RELCH: variants seen among roughly 807,000 people sequenced by gnomAD.
The protein encoded by RELCH is RAB11 binding and LisH domain, coiled-coil and HEAT repeat containing.
In RELCH, 41 loss-of-function variants were observed where a neutral mutation model predicts 150.3. That is an observed-to-expected ratio of 0.27 (90% CI 0.21 to 0.35). The LOEUF is 0.35. Among genes scored for constraint, RELCH ranks in the 10% least tolerant of loss-of-function variants. RELCH has a pLI of 1.00. For synonymous variants in RELCH, 478 were observed against 531.8 expected, an observed-to-expected ratio of 0.90 and a Z score of 1.39; for missense variants, 1,092 against 1,467.8, an observed-to-expected ratio of 0.74 and a Z score of 4.18.
At chr18:62,227,140 C>A (rs1408043088) in intron 5 of RELCH, 149 bp from the exon 6 acceptor site, 14 of 580,494 alleles carry the variant, frequency 2.4e-5, no homozygotes, top group Non-Finnish European at 3.9e-5. Flanking sequence ...CTACAGTGAG[C>A]CATCTATGAT....
chr18:62,192,682 G>A (rs2038734860), intron 1 of RELCH, among the ~76,000 whole-genome samples: 1 of 152,112 alleles, frequency 6.6e-6, no homozygotes, highest in Non-Finnish European at 1.5e-5. Flanking sequence ...GTATGTCAAA[G>A]ATCAGATGGT....
At chr18:62,289,491 C>T (rs72949271) in intron 26 of RELCH, among the ~76,000 whole-genome samples, 23 of 152,208 alleles carry the variant, frequency 1.5e-4, no homozygotes, top group Non-Finnish European at 2.8e-4. Context: ...AATGTTTAAC[C>T]TGGAGAAGAG....
chr18:62,219,325 C>CTTT (rs202196452), intron 2 of RELCH, among the ~76,000 whole-genome samples: 2 of 112,878 alleles, frequency 1.8e-5, no homozygotes, highest in Non-Finnish European at 3.6e-5. Flanking sequence ...TTCTTTTTTT[C>CTTT]TTTTTTTTTT....
In RELCH at chr18:62,201,821, A is replaced by G. The variant is rs371233860; in HGVS notation, c.527-9332A>G. ...GTTCAATAAATATTTAAATTACCCAATACTCTTTTATTAGTCGACAGCTGG... is the reference window on the plus strand; with the variant it reads ...GTTCAATAAATATTTAAATTACCCAGTACTCTTTTATTAGTCGACAGCTGG... On this transcript the variant is annotated intron_variant, in intron 1 of 28. Coordinates refer to ENST00000644646, the MANE Select transcript of RELCH (RefSeq NM_001346231.2). Among the ~76,000 whole-genome samples, 103 of 152,278 alleles carry G rather than the reference A, an allele frequency of 6.8e-4. 2 individuals are homozygous for G. Among genetic ancestry groups the G allele is most frequent in the Admixed American group, 3.6e-3 (55 of 15,300 alleles).
At chr18:62,231,365 CTG>C in intron 9 of RELCH, 96 bp downstream of exon 9, 1 of 716,674 alleles carries the variant, frequency 1.4e-6, no homozygotes, top group Non-Finnish European at 2.3e-6. Flanking sequence ...TGTGATAAGA[CTG>C]TATTTCAAAT....
intron 11 of RELCH, chr18:62,247,426 A>G (rs1311825357): frequency 6.6e-6 from 1 of 152,224 alleles, no homozygotes; most frequent in Non-Finnish European, 1.5e-5. Context: ...TGTCTGGAAT[A>G]AGGAGAGCTA....
At chr18:62,236,403 C>T (rs1814238196) in intron 10 of RELCH, among the ~76,000 whole-genome samples, 1 of 151,712 alleles carries the variant, frequency 6.6e-6, no homozygotes, top group Non-Finnish European at 1.5e-5. Context: ...ATAAGGGATA[C>T]TGTTCTGTGG....
chr18:62,234,548 A>C (rs1324633658), intron 10 of RELCH, among the ~76,000 whole-genome samples: 1 of 152,012 alleles, frequency 6.6e-6, no homozygotes. Flanking sequence ...TAAAATTTAA[A>C]TGTTCTTTAG....
chr18:62,201,882 A>G (rs950724467), intron 1 of RELCH, among the ~76,000 whole-genome samples: 6 of 152,204 alleles, frequency 3.9e-5, no homozygotes, highest in Non-Finnish European at 8.8e-5. Context: ...TTAAAGTGCC[A>G]TGTAGTTTTC....
At chr18:62,219,129 G>C (rs1328788504) in intron 2 of RELCH, among the ~76,000 whole-genome samples, 1 of 151,416 alleles carries the variant, frequency 6.6e-6, no homozygotes, top group African/African-American at 2.4e-5. Flanking sequence ...TCAAAGTATT[G>C]GTAAATTCTA....
chr18:62,264,495 C>T (rs1445618652), intron 17 of RELCH, among the ~76,000 whole-genome samples: 1 of 152,008 alleles, frequency 6.6e-6, no homozygotes, highest in Non-Finnish European at 1.5e-5. Flanking sequence ...ACTCTGTACT[C>T]GGAATTCTAC....
chr18:62,238,434 T>A (rs2041981343), intron 10 of RELCH, among the ~76,000 whole-genome samples: 1 of 152,074 alleles, frequency 6.6e-6, no homozygotes, highest in Admixed American at 6.6e-5. Context: ...TAAATGTATA[T>A]AGTAAATAAG....
intron 22 of RELCH, chr18:62,277,556 T>TAA (rs145288891): frequency 1.2e-4 from 92 of 769,316 alleles, no homozygotes; most frequent in Non-Finnish European, 1.3e-4. Context: ...AATAAAAACA[T>TAA]AAAAAAAACA....
At chr18:62,232,215 A>T in intron 9 of RELCH, 117 bp from the exon 10 acceptor site, 1 of 604,330 alleles carries the variant, frequency 1.7e-6, no homozygotes, top group East Asian at 2.8e-5. Flanking sequence ...TCATAAGTTA[A>T]AATATTGGAA....
At chr18:62,275,647 T>C (rs2044169169) in intron 22 of RELCH, 174 bp downstream of exon 22, 1 of 434,850 alleles carries the variant, frequency 2.3e-6, no homozygotes, top group African/African-American at 2.1e-5. Context: ...GAAATTTAGC[T>C]TTAACATATT....
intron 27 of RELCH, among the ~76,000 whole-genome samples, chr18:62,294,818 A>T (rs557449312): frequency 6.6e-6 from 1 of 152,162 alleles, no homozygotes; most frequent in Admixed American, 6.5e-5. Flanking sequence ...CATTCCAATT[A>T]TATTTCTTTT....
chr18:62,248,120 T>A (rs1001764830), intron 11 of RELCH, among the ~76,000 whole-genome samples: 1 of 152,202 alleles, frequency 6.6e-6, no homozygotes, highest in Non-Finnish European at 1.5e-5. Context: ...ATTTTGGCAT[T>A]AATTACTGCT....
intron 13 of RELCH, among the ~76,000 whole-genome samples, chr18:62,256,145 A>G (rs1436315349): frequency 6.6e-6 from 1 of 152,054 alleles, no homozygotes; most frequent in Non-Finnish European, 1.5e-5. Flanking sequence ...CAGTTGTTTG[A>G]GTTATGAGCT....
chr18:62,273,406 T>C (rs1444199231), intron 20 of RELCH, among the ~76,000 whole-genome samples: 1 of 152,140 alleles, frequency 6.6e-6, no homozygotes, highest in Non-Finnish European at 1.5e-5. Flanking sequence ...ACCACTAGGA[T>C]ATTGCAAAGA....
Sources: allele counts gnomAD v4.1 joint callset (sites outside exome capture counted in the v4.1 genomes callset), GRCh38; gene constraint gnomAD v4.1.1; transcripts MANE v1.5; gene names NCBI Gene and HGNC (gene_info 2026-07-23, HGNC 2026-07-21).